TECR: variants seen among roughly 807,000 people sequenced by gnomAD.
TECR encodes trans-2,3-enoyl-CoA reductase, also known as very-long-chain enoyl-CoA reductase.
TECR carries 19 observed loss-of-function variants against 50.6 expected under a neutral mutation model. The observed-to-expected ratio is 0.38, with a 90% CI of 0.26 to 0.55. TECR has a LOEUF of 0.55. Ranked by LOEUF, TECR falls within the 20% of genes least tolerant of loss-of-function variation. The pLI, the probability that TECR is intolerant of heterozygous loss-of-function variation, is 0.79. For missense variants in TECR, 313 were observed against 408.3 expected (o/e 0.77, Z 2.01); for synonymous variants, 168 against 163.5 (o/e 1.03, Z -0.21).
chr19:14,557,113 T>TATTTATTTA (rs2073753179), intron 1 of TECR, among the ~76,000 whole-genome samples: 1 of 69,672 alleles, frequency 1.4e-5, no homozygotes, highest in Non-Finnish European at 3.2e-5. Flanking sequence ...GTTGGTCTAA[T>TATTTATTTA]CTTATTTATT....
intron 1 of TECR, among the ~76,000 whole-genome samples, chr19:14,536,917 C>T (rs1437334967): frequency 1.3e-5 from 2 of 149,430 alleles, no homozygotes; most frequent in African/African-American, 5.0e-5. Context: ...GTAGTACGGC[C>T]CTACTCACCT....
chr19:14,540,562 T>C (rs1293579715), intron 1 of TECR, among the ~76,000 whole-genome samples: 1 of 152,068 alleles, frequency 6.6e-6, no homozygotes, highest in Non-Finnish European at 1.5e-5. Flanking sequence ...CCACTAATTT[T>C]TGTATTTTTA....
intron 1 of TECR, among the ~76,000 whole-genome samples, chr19:14,534,759 C>G (rs1332295600): frequency 6.6e-6 from 1 of 152,084 alleles, no homozygotes; most frequent in African/African-American, 2.4e-5. Context: ...TTATTAGCAC[C>G]TGATCAGATG....
intron 1 of TECR, among the ~76,000 whole-genome samples, chr19:14,551,326 C>T (rs537336571): frequency 2.6e-5 from 4 of 151,492 alleles, no homozygotes; most frequent in East Asian, 2.0e-4. Flanking sequence ...CCACCCACCT[C>T]GGCCTCCCAG....
chr19:14,565,428 C>G (rs2074048923), intron 11 of TECR, 138 bp downstream of exon 11: 3 of 1,368,684 alleles, frequency 2.2e-6, no homozygotes, highest in South Asian at 1.2e-5. Context: ...AGACCGCGGC[C>G]TCTCTGCTGT....
chr19:14,529,912 A>G (rs2072558335), intron 1 of TECR: 2 of 740,618 alleles, frequency 2.7e-6, no homozygotes, highest in South Asian at 3.5e-5. Flanking sequence ...TAAATCTGCA[A>G]CCCAGGCTGT....
chr19:14,564,934 C>T lies in TECR; in HGVS notation c.563-15C>T, dbSNP rs1331286164. 3 of 1,614,130 alleles carry T rather than the reference C, an allele frequency of 1.9e-6. No homozygotes were observed. Among genetic ancestry groups the T allele is most frequent in the Non-Finnish European group, 1.7e-6 (2 of 1,180,044 alleles). The stretch of plus-strand genomic sequence containing the variant: ...GTCCTCCCCTCATGGGCTCCCCTCC[C>T]TGCTTCCTCTTCAGCCTACGGAGCT... On this transcript the variant is annotated splice_polypyrimidine_tract_variant and intron_variant, in intron 8 of 12. Transcript: ENST00000215567.
chr19:14,551,910 T>TCTCC (rs2073522944), intron 1 of TECR, among the ~76,000 whole-genome samples: 1 of 140,394 alleles, frequency 7.1e-6, no homozygotes, highest in African/African-American at 2.6e-5. Flanking sequence ...TCTCTCTCTC[T>TCTCC]CCCCCTCCCT....
At chr19:14,542,356 T>TTTTTTTTTG (rs2073129712) in intron 1 of TECR, among the ~76,000 whole-genome samples, 1 of 121,924 alleles carries the variant, frequency 8.2e-6, no homozygotes, top group Non-Finnish European at 1.7e-5. Flanking sequence ...TGTTTTTTTT[T>TTTTTTTTTG]TTTTTTTTTT....
At chr19:14,553,469 G>A (rs1020119910) in intron 1 of TECR, among the ~76,000 whole-genome samples, 5 of 152,144 alleles carry the variant, frequency 3.3e-5, no homozygotes, top group African/African-American at 9.6e-5. Flanking sequence ...AGCCGCCCCC[G>A]GGTGCCACTG....
chr19:14,537,165 C>T (rs1599420796), intron 1 of TECR, among the ~76,000 whole-genome samples: 1 of 93,098 alleles, frequency 1.1e-5, no homozygotes, highest in East Asian at 4.0e-4. Context: ...AAAGAAGAGG[C>T]GGGGCCGGGG....
chr19:14,547,518 A>T (rs1490024835), intron 1 of TECR, among the ~76,000 whole-genome samples: 2 of 152,010 alleles, frequency 1.3e-5, no homozygotes, highest in Non-Finnish European at 2.9e-5. Flanking sequence ...GTGCCACCAC[A>T]CCTGGCTAAT....
intron 1 of TECR, among the ~76,000 whole-genome samples, chr19:14,535,588 A>ATATATG (rs2072868554): frequency 2.5e-5 from 1 of 40,750 alleles, no homozygotes; most frequent in Non-Finnish European, 5.6e-5. Context: ...ATATATATAT[A>ATATATG]TGTATGTATA....
At chr19:14,533,281 G>A (rs1378764059) in intron 1 of TECR, among the ~76,000 whole-genome samples, 1 of 152,024 alleles carries the variant, frequency 6.6e-6, no homozygotes, top group Non-Finnish European at 1.5e-5. Context: ...TTAGCTGGGT[G>A]TGGTGGCGCA....
chr19:14,563,680 C>G lies in TECR; in HGVS notation c.141C>G (p.Arg47=). ...TKTHPQWYPA[R]QSLRLDPKGK... is the part of the protein sequence containing the mutation. ...CAGATCCGCAGTGGTACCCCGCCCG[C>G]CAGTCCCTCCGCCTGGACCCCAGTG... The change falls in exon 4 of 13, where the codon CGC becomes CGG. Residue 47 remains arginine, a synonymous_variant. Coordinates refer to ENST00000215567, the MANE Select transcript of TECR (RefSeq NM_138501.6). The surrounding 1 kb of genome is among the most constrained non-coding windows in gnomAD (Gnocchi z 5.3). The G allele has an allele frequency of 6.2e-7, 1 of 1,612,756 alleles. No homozygotes were observed. The highest frequency in any genetic ancestry group is 8.5e-7 in the Non-Finnish European group (1 of 1,179,860).
At chr19:14,562,285 C>T (rs1209528447) in intron 1 of TECR, 16 of 615,036 alleles carry the variant, frequency 2.6e-5, no homozygotes, top group South Asian at 9.7e-5. Flanking sequence ...CGCGCTTGCC[C>T]GGCCCAGGGC....
At chr19:14,536,990 A>T in intron 1 of TECR, among the ~76,000 whole-genome samples, 2 of 32,762 alleles carry the variant, frequency 6.1e-5, no homozygotes, top group Admixed American at 3.8e-4. Flanking sequence ...GGGGCCGAGG[A>T]GGAGGAGGTG....
intron 1 of TECR, 186 bp from the exon 2 acceptor site, chr19:14,562,339 G>T: frequency 1.5e-6 from 1 of 683,934 alleles, no homozygotes; most frequent in Non-Finnish European, 2.7e-6. Flanking sequence ...ACGGCCGGCA[G>T]CTGGGGCTGC....
chr19:14,540,805 A>G (rs770505477), intron 1 of TECR, among the ~76,000 whole-genome samples: 38 of 152,176 alleles, frequency 2.5e-4, no homozygotes, highest in Non-Finnish European at 3.5e-4. Flanking sequence ...CTGGGACTGC[A>G]GGTGTGTATC....
Sources: gnomAD v4.1 joint callset for allele counts (sites outside exome capture counted in the v4.1 genomes callset) on GRCh38, gnomAD v4.1.1 for gene constraint, Gnocchi (gnomAD v3.1) non-coding constraint, MANE v1.5 for transcripts, NCBI Gene and HGNC (gene_info 2026-07-23, HGNC 2026-07-21) for gene names.